HUNK: variants seen among roughly 807,000 people sequenced by gnomAD.
HUNK encodes the protein hormonally up-regulated Neu-associated kinase.
In HUNK, 21 loss-of-function variants were observed where a neutral mutation model predicts 61.0. The observed-to-expected ratio is 0.34, with a 90% CI of 0.24 to 0.50. The LOEUF is 0.50. Among genes scored for constraint, HUNK ranks in the 20% least tolerant of loss-of-function variants. The pLI, the probability that HUNK is intolerant of heterozygous loss-of-function variation, is 0.98. For missense variants in HUNK, 772 were observed against 945.7 expected (o/e 0.82, Z 2.41); for synonymous variants, 371 against 386.1 (o/e 0.96, Z 0.46).
chr21:31,980,480 G>A (rs576213764), intron 7 of HUNK, among the ~76,000 whole-genome samples: 26 of 151,484 alleles, frequency 1.7e-4, no homozygotes, highest in Admixed American at 2.6e-4. Flanking sequence ...AGCTTCAAGC[G>A]ATTCTCCTGC....
chr21:31,966,823 T>C (rs146259268), intron 5 of HUNK, among the ~76,000 whole-genome samples: 2 of 152,268 alleles, frequency 1.3e-5, no homozygotes, highest in East Asian at 3.9e-4. Context: ...TTTTCTGGGA[T>C]CTATTATTTG....
intron 8 of HUNK, among the ~76,000 whole-genome samples, chr21:31,984,055 A>G (rs2053116329): frequency 6.6e-6 from 1 of 152,188 alleles, no homozygotes; most frequent in African/African-American, 2.4e-5. Flanking sequence ...GTACAGAGTA[A>G]AACTGTGGTT....
At chr21:31,899,314 T>C (rs1161969449) in intron 1 of HUNK, among the ~76,000 whole-genome samples, 1 of 152,208 alleles carries the variant, frequency 6.6e-6, no homozygotes, top group African/African-American at 2.4e-5. Context: ...CCCTGAATGC[T>C]GTAGGGGAGG....
intron 1 of HUNK, among the ~76,000 whole-genome samples, chr21:31,911,439 G>C (rs2052544916): frequency 6.6e-6 from 1 of 152,178 alleles, no homozygotes; most frequent in Non-Finnish European, 1.5e-5. Context: ...ATGTGGCCAA[G>C]ATCCCCAGGA....
In HUNK at chr21:32,002,578, T is replaced by C. The variant is rs192426958; in HGVS notation, c.*3394T>C. Reference sequence around the variant, plus strand: ...TTTTTCATTTGGGGATATTAGGATCTTCCTTGGAGACTCTGAAAATGGCAC... The same window carrying C: ...TTTTTCATTTGGGGATATTAGGATCCTCCTTGGAGACTCTGAAAATGGCAC... On this transcript the variant is annotated 3_prime_UTR_variant, in exon 11 of 11. Coordinates refer to ENST00000270112, the MANE Select transcript of HUNK (RefSeq NM_014586.2). 9.2e-5 allele frequency: 14 copies of C among 152,354 alleles called. No homozygotes were observed. Among genetic ancestry groups the C allele is most frequent in the African/African-American group, 3.4e-4 (14 of 41,580 alleles). The allele number at this position is 152,354 out of a possible 1,614,324, so 9.4% of individuals were successfully genotyped here. A position where few individuals can be genotyped will look rare whatever the true frequency, so the allele number is the denominator to read the frequency against.
rs1378032316 is a variant in HUNK, at chr21:31,924,801, C to T, written c.554+41C>T. 1 of 1,540,296 alleles carries T rather than the reference C, an allele frequency of 6.5e-7. No individual in the cohort carries two copies. Among genetic ancestry groups the T allele is most frequent in the South Asian group, 1.3e-5 (1 of 78,904 alleles). On this transcript the variant is annotated intron_variant, in intron 2 of 10. Transcript: ENST00000270112. The surrounding 1 kb of genome is among the most constrained non-coding windows in gnomAD (Gnocchi z 5.1). The stretch of plus-strand genomic sequence containing the variant: ...CGCTGGTGATCGCTGACTGTGTGCT[C>T]CGTGGGTGGCACTGGGCTGTGGCAC...
Position 31,873,991 on chromosome 21 carries a change from G to C in HUNK, c.261+56G>C, listed in dbSNP as rs1186444213. 1.0e-5 allele frequency: 14 copies of C among 1,336,630 alleles called. No homozygotes were observed. The highest frequency in any genetic ancestry group is 1.4e-5 in the Non-Finnish European group (14 of 1,022,992). 82.8% of individuals were successfully genotyped at this position (1,336,630 alleles called of 1,614,324 possible). Reference sequence around the variant, plus strand: ...CACAGGGGCGGGAGTCGGCGGCCAGGACCCCGCGGGGAGCACTGCACTGGG... The same window carrying C: ...CACAGGGGCGGGAGTCGGCGGCCAGCACCCCGCGGGGAGCACTGCACTGGG... On this transcript the variant is annotated intron_variant, in intron 1 of 10. Coordinates refer to ENST00000270112, the MANE Select transcript of HUNK (RefSeq NM_014586.2). The surrounding 1 kb of genome is among the most constrained non-coding windows in gnomAD (Gnocchi z 6.1).
intron 2 of HUNK, among the ~76,000 whole-genome samples, chr21:31,929,037 G>A (rs1372139827): frequency 6.6e-6 from 1 of 151,850 alleles, no homozygotes; most frequent in Non-Finnish European, 1.5e-5. Flanking sequence ...GGGGCTTTTG[G>A]TTGTGTGTGT....
At chr21:31,969,291 T>G (rs2052993472) in intron 6 of HUNK, among the ~76,000 whole-genome samples, 2 of 152,182 alleles carry the variant, frequency 1.3e-5, no homozygotes, top group African/African-American at 4.8e-5. Flanking sequence ...CTTAGATGCC[T>G]TCTTCTGCCT....
At chr21:31,898,874 G>T (rs904427921) in intron 1 of HUNK, among the ~76,000 whole-genome samples, 1 of 152,174 alleles carries the variant, frequency 6.6e-6, no homozygotes, top group Non-Finnish European at 1.5e-5. Flanking sequence ...TATCCACAAA[G>T]CATCCGATCA....
Position 31,999,189 on chromosome 21 carries a change from G to A in HUNK, c.*5G>A, listed in dbSNP as rs2053229074. 6.3e-7 allele frequency: 1 copy of A among 1,588,644 alleles called. No homozygotes were observed. The highest frequency in any genetic ancestry group is 8.6e-7 in the Non-Finnish European group (1 of 1,167,884). On this transcript the variant is annotated 3_prime_UTR_variant, in exon 11 of 11. Coordinates refer to ENST00000270112, the MANE Select transcript of HUNK (RefSeq NM_014586.2). ...GGGGTCAAGACCCAGTGCTAACTTG[G>A]GCCAGCGGGGTTTGGGGTATCTCTA...
chr21:31,993,367 G>A (rs1285933623), intron 9 of HUNK, among the ~76,000 whole-genome samples: 1 of 152,208 alleles, frequency 6.6e-6, no homozygotes, highest in Non-Finnish European at 1.5e-5. Context: ...ACAGCCACCG[G>A]CAGCTCTCAA....
chr21:31,901,658 C>T (rs945139285), intron 1 of HUNK, among the ~76,000 whole-genome samples: 1 of 152,178 alleles, frequency 6.6e-6, no homozygotes, highest in Admixed American at 6.5e-5. Context: ...TACTGTTTCT[C>T]CCTCTGCAAA....
chr21:31,877,149 A>G (rs2052269387), intron 1 of HUNK, among the ~76,000 whole-genome samples: 1 of 152,212 alleles, frequency 6.6e-6, no homozygotes, highest in South Asian at 2.1e-4. Flanking sequence ...TCATAGCTGC[A>G]TTCTCAAACT....
chr21:31,908,397 T>C (rs1439618981), intron 1 of HUNK, among the ~76,000 whole-genome samples: 1 of 151,648 alleles, frequency 6.6e-6, no homozygotes, highest in African/African-American at 2.4e-5. Context: ...GGGGGAGTGC[T>C]AGGGGCCTGT....
chr21:32,001,024 C>A lies in HUNK; in HGVS notation c.*1840C>A, dbSNP rs369945563. 3.6e-6 allele frequency: 1 copy of A among 280,402 alleles called. No homozygotes were observed. 17.4% of individuals were successfully genotyped at this position (280,402 alleles called of 1,614,324 possible). A position where few individuals can be genotyped will look rare whatever the true frequency, so the allele number is the denominator to read the frequency against. Reference sequence around the variant, plus strand: ...TGGTGGCTCACACCTGTAATCCCAGCACTTTGGGAGGCCGAGGCAGGTGGA... The same window carrying A: ...TGGTGGCTCACACCTGTAATCCCAGAACTTTGGGAGGCCGAGGCAGGTGGA... On this transcript the variant is annotated 3_prime_UTR_variant, in exon 11 of 11. Transcript: ENST00000270112.
chr21:31,876,273 C>G (rs2052261598), intron 1 of HUNK, among the ~76,000 whole-genome samples: 1 of 152,090 alleles, frequency 6.6e-6, no homozygotes, highest in African/African-American at 2.4e-5. Context: ...CTTGGTTTTC[C>G]CGGGATGCTC....
intron 8 of HUNK, among the ~76,000 whole-genome samples, chr21:31,988,704 C>A (rs1484191741): frequency 1.3e-5 from 2 of 148,948 alleles, no homozygotes; most frequent in Non-Finnish European, 1.5e-5. Context: ...TTGCTTTATT[C>A]TTTTCTTTTT....
At chr21:31,898,401 G>A (rs2052440462) in intron 1 of HUNK, among the ~76,000 whole-genome samples, 1 of 152,116 alleles carries the variant, frequency 6.6e-6, no homozygotes, top group Non-Finnish European at 1.5e-5. Context: ...GAGTAGCTGG[G>A]ACTATAGGCA....
Sources: gnomAD v4.1 joint callset for allele counts (sites outside exome capture counted in the v4.1 genomes callset) on GRCh38, gnomAD v4.1.1 for gene constraint, Gnocchi (gnomAD v3.1) non-coding constraint, MANE v1.5 for transcripts, NCBI Gene and HGNC (gene_info 2026-07-23, HGNC 2026-07-21) for gene names.